The following PATJ variants were observed in gnomAD, a reference collection of about 807,000 sequenced individuals.
The protein encoded by PATJ is inaD-like protein.
In PATJ, 190 loss-of-function variants were observed where a neutral mutation model predicts 224.9. The observed-to-expected ratio is 0.84, with a 90% CI of 0.75 to 0.95. PATJ has a LOEUF of 0.95. PATJ is among the 40% of genes least tolerant of loss of function. The pLI, the probability that PATJ is intolerant of heterozygous loss-of-function variation, is 0.00. For missense variants in PATJ, 2,121 were observed against 2,270.3 expected (o/e 0.93, Z 1.34); for synonymous variants, 769 against 820.3 (o/e 0.94, Z 1.07).
chr1:62,002,582 G>T (rs1645840739), intron 28 of PATJ, among the ~76,000 whole-genome samples: 1 of 151,932 alleles, frequency 6.6e-6, no homozygotes, highest in Non-Finnish European at 1.5e-5. Flanking sequence ...GGTAGTGCAT[G>T]CCTATAATCC....
chr1:61,939,017 G>A (rs113291973), intron 27 of PATJ, among the ~76,000 whole-genome samples: 20,253 of 150,000 alleles, frequency 0.14, 1,798 homozygotes, highest in Middle Eastern at 0.22. Context: ...CAGCTACTTG[G>A]GAGGCTGAGG....
At chr1:61,842,371 T>G (rs1661234961) in intron 17 of PATJ, among the ~76,000 whole-genome samples, 1 of 152,128 alleles carries the variant, frequency 6.6e-6, no homozygotes, top group African/African-American at 2.4e-5. Context: ...TGGCAAAAAA[T>G]CCCATTGTGT....
chr1:61,974,488 A>G lies in PATJ; in HGVS notation c.3671-15680A>G, dbSNP rs2498971. Among the ~76,000 whole-genome samples the G allele has an allele frequency of 5.5e-3, 736 of 133,334 alleles. 13 individuals carry two copies. The highest frequency in any genetic ancestry group is 0.02 in the African/African-American group (692 of 34,344). 87.5% of individuals were successfully genotyped at this position (133,334 alleles called of 152,430 possible). On this transcript the variant is annotated intron_variant, in intron 27 of 43. Coordinates refer to ENST00000642238, the MANE Select transcript of PATJ (RefSeq NM_001350145.3). ...GAGTGCAATGGCGCAATCTTGGCTC[A>G]CTGCAACCTCCACCTCCCAGGTTCA...
chr1:61,925,195 G>A (rs373142314), intron 26 of PATJ, among the ~76,000 whole-genome samples: 1 of 482 alleles, frequency 2.1e-3, no homozygotes. Flanking sequence ...GCGAGACTCC[G>A]TCTCAAAAAA....
intron 32 of PATJ, among the ~76,000 whole-genome samples, chr1:62,083,425 C>T (rs774592075): frequency 6.6e-6 from 1 of 152,172 alleles, no homozygotes; most frequent in Non-Finnish European, 1.5e-5. Flanking sequence ...CCACCGTGCC[C>T]GGCTGAATGT....
At chr1:61,933,233 T>A (rs1321505773) in intron 27 of PATJ, among the ~76,000 whole-genome samples, 1 of 152,108 alleles carries the variant, frequency 6.6e-6, no homozygotes, top group East Asian at 1.9e-4. Flanking sequence ...AACTTTTGAC[T>A]TAACTTTGTG....
At position 61,937,652 on chromosome 1, in the gene PATJ, T is replaced by TC. The variant is rs200025918; in HGVS notation, c.3670+9823_3670+9824insC. ...TAATGACGAGGGACTTTCTTCTTCT[T>TC]TTTTTTTTTTTTTTTGAGACGGAGC... is the stretch of plus-strand genomic sequence containing the variant. On this transcript the variant is annotated intron_variant, in intron 27 of 43. Transcript: ENST00000642238. Among the ~76,000 whole-genome samples, 283 of 135,704 alleles carry TC rather than the reference T, an allele frequency of 2.1e-3. 1 individual carries two copies. Among genetic ancestry groups the TC allele is most frequent in the East Asian group, 0.014 (69 of 5,086 alleles). 89.0% of individuals were successfully genotyped at this position (135,704 alleles called of 152,430 possible).
chr1:61,966,686 C>G (rs75971791), intron 27 of PATJ, among the ~76,000 whole-genome samples: 1 of 86,386 alleles, frequency 1.2e-5, no homozygotes, highest in African/African-American at 4.0e-5. Flanking sequence ...GACTTCATCT[C>G]AAAAAAAAAA....
At chr1:62,058,410 G>A (rs1177653871) in intron 31 of PATJ, among the ~76,000 whole-genome samples, 1 of 152,178 alleles carries the variant, frequency 6.6e-6, no homozygotes, top group Non-Finnish European at 1.5e-5. Flanking sequence ...AGCGTCACGT[G>A]TTACAAATAA....
intron 26 of PATJ, among the ~76,000 whole-genome samples, chr1:61,921,753 C>T (rs1207623255): frequency 6.6e-6 from 1 of 152,040 alleles, no homozygotes; most frequent in East Asian, 1.9e-4. Flanking sequence ...TGAGAGAAAA[C>T]AGATCAGGGG....
chr1:62,128,407 A>G, intron 40 of PATJ: 1 of 304,490 alleles, frequency 3.3e-6, no homozygotes, highest in East Asian at 6.3e-5. Context: ...TTGACCTTAG[A>G]GTCTTCCCTC....
intron 41 of PATJ, among the ~76,000 whole-genome samples, chr1:62,143,980 A>G (rs1457077050): frequency 6.6e-6 from 1 of 152,108 alleles, no homozygotes; most frequent in East Asian, 1.9e-4. Flanking sequence ...GTAGGTTTAT[A>G]AAGATGGTGG....
intron 27 of PATJ, among the ~76,000 whole-genome samples, chr1:61,945,383 T>C (rs1360275523): frequency 6.7e-6 from 1 of 150,286 alleles, no homozygotes; most frequent in Non-Finnish European, 1.5e-5. Context: ...TGGAGGAAGA[T>C]CTACCAAGCA....
At chr1:61,842,586 T>C (rs185822366) in intron 17 of PATJ, among the ~76,000 whole-genome samples, 110 of 152,074 alleles carry the variant, frequency 7.2e-4, no homozygotes, top group Non-Finnish European at 2.4e-4. Context: ...ACTATAAATA[T>C]TAGTGTTTTT....
chr1:62,099,352 T>TC lies in PATJ; in HGVS notation c.4378-9085_4378-9084insC, dbSNP rs1454920895. Among the ~76,000 whole-genome samples the TC allele has an allele frequency of 1.3e-4, 12 of 91,382 alleles. No individual in the cohort carries two copies. In the East Asian group the frequency reaches 2.6e-3, roughly 20 times the overall value. 60.0% of individuals were successfully genotyped at this position (91,382 alleles called of 152,430 possible). ...TTTGTATACAATATCTCCAACTTTT[T>TC]TTTTTTTTTTTTTTTTTTTTTTTTT... On this transcript the variant is annotated intron_variant, in intron 33 of 43. Coordinates refer to ENST00000642238, the MANE Select transcript of PATJ (RefSeq NM_001350145.3).
chr1:61,901,506 C>A, intron 24 of PATJ, 47 bp downstream of exon 24: 3 of 1,337,568 alleles, frequency 2.2e-6, no homozygotes, highest in Non-Finnish European at 3.1e-6. Flanking sequence ...TACGGTAAGA[C>A]AGTGAAATAA....
intron 41 of PATJ, among the ~76,000 whole-genome samples, chr1:62,138,962 C>T (rs950937729): frequency 6.6e-6 from 1 of 152,140 alleles, no homozygotes; most frequent in Non-Finnish European, 1.5e-5. Flanking sequence ...GTATTCATAT[C>T]TGCCTCCCAC....
intron 1 of PATJ, among the ~76,000 whole-genome samples, chr1:61,747,396 G>GT (rs1437146189): frequency 6.6e-6 from 1 of 152,078 alleles, no homozygotes; most frequent in African/African-American, 2.4e-5. Context: ...ACAAGGAATT[G>GT]GGTCCACCTA....
At chr1:61,776,011 C>G (rs972382975) in intron 7 of PATJ, among the ~76,000 whole-genome samples, 2 of 152,164 alleles carry the variant, frequency 1.3e-5, no homozygotes, top group Non-Finnish European at 2.9e-5. Context: ...TAAAATTTCA[C>G]TGATTATTGC....
Sources: allele counts gnomAD v4.1 joint callset (sites outside exome capture counted in the v4.1 genomes callset), GRCh38; gene constraint gnomAD v4.1.1; transcripts MANE v1.5; gene names NCBI Gene and HGNC (gene_info 2026-07-23, HGNC 2026-07-21).